The following STXBP5L variants were observed in gnomAD, a reference collection of about 807,000 sequenced individuals.
STXBP5L encodes the protein syntaxin-binding protein 5-like.
Under a neutral mutation model 144.5 loss-of-function variants are expected in STXBP5L, and 65 were observed. The observed-to-expected ratio is 0.45, with a 90% CI of 0.37 to 0.55. The LOEUF (loss-of-function observed/expected upper bound fraction) is 0.55, where lower values mean the gene tolerates loss of function less well. STXBP5L is among the 20% of genes least tolerant of loss of function. The pLI is 0.00. For synonymous variants in STXBP5L, 505 were observed against 469.6 expected, an observed-to-expected ratio of 1.08 and a Z score of -0.97; for missense variants, 1,298 against 1,405.5, an observed-to-expected ratio of 0.92 and a Z score of 1.22.
At chr3:120,979,659 A>G (rs112051486) in intron 3 of STXBP5L, among the ~76,000 whole-genome samples, 1,663 of 152,298 alleles carry the variant, frequency 0.011, 16 homozygotes, top group Middle Eastern at 0.061. Flanking sequence ...TGGGAGCTGT[A>G]GACTGGAGCT....
chr3:120,975,764 AT>A (rs1481079118), intron 3 of STXBP5L, among the ~76,000 whole-genome samples: 3 of 152,084 alleles, frequency 2.0e-5, no homozygotes, highest in Admixed American at 6.6e-5. Flanking sequence ...GAGTTGTTGA[AT>A]TTTGTCAAAG....
At chr3:121,272,960 A>C (rs1034673476) in intron 18 of STXBP5L, among the ~76,000 whole-genome samples, 1 of 152,026 alleles carries the variant, frequency 6.6e-6, no homozygotes, top group Non-Finnish European at 1.5e-5. Flanking sequence ...GAATTTATTA[A>C]CAAAACAACA....
At chr3:121,074,199 C>T (rs1382315152) in intron 5 of STXBP5L, among the ~76,000 whole-genome samples, 1 of 152,130 alleles carries the variant, frequency 6.6e-6, no homozygotes, top group East Asian at 1.9e-4. Flanking sequence ...GACAAAGATG[C>T]CCTGGCTTTC....
intron 3 of STXBP5L, among the ~76,000 whole-genome samples, chr3:121,020,850 G>GAA (rs60522434): frequency 0.097 from 13,837 of 143,102 alleles, 681 homozygotes; most frequent in Admixed American, 0.13. Flanking sequence ...ACAATACAAT[G>GAA]AAAAAAAAAA....
chr3:121,159,550 A>C (rs2046239540), intron 9 of STXBP5L, among the ~76,000 whole-genome samples: 1 of 151,960 alleles, frequency 6.6e-6, no homozygotes. Flanking sequence ...TACAAAATCT[A>C]CTGAGATTTG....
chr3:121,187,221 A>T (rs962363644), intron 9 of STXBP5L, among the ~76,000 whole-genome samples: 2 of 152,186 alleles, frequency 1.3e-5, no homozygotes, highest in Non-Finnish European at 2.9e-5. Flanking sequence ...CTATGCAGCC[A>T]TAAAAAATGA....
chr3:121,373,213 T>C (rs1176969611), intron 20 of STXBP5L, among the ~76,000 whole-genome samples: 1 of 152,232 alleles, frequency 6.6e-6, no homozygotes, highest in Non-Finnish European at 1.5e-5. Flanking sequence ...AGGCACTCAG[T>C]TGGATTGGCT....
intron 22 of STXBP5L, among the ~76,000 whole-genome samples, chr3:121,390,639 A>G (rs1395573807): frequency 2.0e-5 from 3 of 152,130 alleles, no homozygotes; most frequent in Non-Finnish European, 4.4e-5. Flanking sequence ...TTTCTCCTTC[A>G]CTAATGAAGC....
At chr3:121,042,558 T>A (rs1947232939) in intron 4 of STXBP5L, among the ~76,000 whole-genome samples, 1 of 152,132 alleles carries the variant, frequency 6.6e-6, no homozygotes, top group South Asian at 2.1e-4. Context: ...AAAAAATGTT[T>A]GGTTATTTTC....
Position 121,056,206 on chromosome 3 carries a change from T to C in STXBP5L, c.470+10671T>C, listed in dbSNP as rs1460270957. Among the ~76,000 whole-genome samples, 3 of 152,174 alleles carry C rather than the reference T, an allele frequency of 2.0e-5. No homozygotes were observed. In the East Asian group the frequency reaches 5.8e-4, roughly 29 times the overall value. On this transcript the variant is annotated intron_variant, in intron 5 of 26. Coordinates refer to ENST00000471454, the MANE Select transcript of STXBP5L (RefSeq NM_001308330.2). ...AGAAAAAATGTCTTGATTTTTGTAA[T>C]GCATGATCTGAGTAATGAATAAAAT...
At chr3:121,121,373 G>A (rs181356544) in intron 6 of STXBP5L, among the ~76,000 whole-genome samples, 228 of 151,232 alleles carry the variant, frequency 1.5e-3, no homozygotes, top group African/African-American at 4.9e-3. Context: ...GACAACAAAC[G>A]TTTCAAATAA....
intron 5 of STXBP5L, among the ~76,000 whole-genome samples, chr3:121,057,059 A>G (rs1299725925): frequency 2.0e-5 from 3 of 151,538 alleles, no homozygotes; most frequent in African/African-American, 7.2e-5. Flanking sequence ...TATATTATAA[A>G]GAAGGAAGAA....
At chr3:121,138,459 G>A (rs1182106864) in intron 7 of STXBP5L, among the ~76,000 whole-genome samples, 2 of 151,956 alleles carry the variant, frequency 1.3e-5, no homozygotes, top group African/African-American at 4.8e-5. Flanking sequence ...AAGCAGTCTT[G>A]ACCAAAAAGA....
rs147231304 is a variant in STXBP5L, at chr3:121,335,080, C to T, written c.2176+16540C>T. 9.2e-5 allele frequency among the ~76,000 whole-genome samples: 14 copies of T among 152,258 alleles called. 1 individual carries two copies. In the East Asian group the frequency reaches 1.2e-3, roughly 13 times the overall value. Reference sequence around the variant, plus strand: ...CCCTATAGTTATAGACAAAAAGCTCCTGCAGCTGATAAACACCTTCAGCAA... The same window carrying T: ...CCCTATAGTTATAGACAAAAAGCTCTTGCAGCTGATAAACACCTTCAGCAA... On this transcript the variant is annotated intron_variant, in intron 20 of 26. Transcript: ENST00000471454.
chr3:121,313,474 T>C (rs1440706920), intron 19 of STXBP5L, among the ~76,000 whole-genome samples: 2 of 80,152 alleles, frequency 2.5e-5, no homozygotes, highest in African/African-American at 1.1e-4. Flanking sequence ...ACGGGGCGAC[T>C]GGCCGGGCAG....
At chr3:121,035,616 G>A (rs546122733) in intron 3 of STXBP5L, among the ~76,000 whole-genome samples, 21 of 152,238 alleles carry the variant, frequency 1.4e-4, no homozygotes, top group African/African-American at 4.3e-4. Flanking sequence ...TAGCTTTGTA[G>A]TGTAATGTGA....
intron 22 of STXBP5L, among the ~76,000 whole-genome samples, chr3:121,397,344 T>C (rs1290934838): frequency 6.6e-6 from 1 of 152,214 alleles, no homozygotes; most frequent in Admixed American, 6.5e-5. Flanking sequence ...ACATTCTCCA[T>C]TTACCTGATT....
chr3:121,288,966 C>CG (rs1164432290), intron 19 of STXBP5L, among the ~76,000 whole-genome samples: 1 of 152,120 alleles, frequency 6.6e-6, no homozygotes, highest in Non-Finnish European at 1.5e-5. Context: ...CTGGGGCCTA[C>CG]TTGAGGGTGG....
intron 19 of STXBP5L, among the ~76,000 whole-genome samples, chr3:121,311,423 T>C (rs1265119942): frequency 6.6e-6 from 1 of 152,244 alleles, no homozygotes; most frequent in African/African-American, 2.4e-5. Context: ...TGTTTCACAA[T>C]GGAGGAATGT....
Sources: gnomAD v4.1 joint callset for allele counts (sites outside exome capture counted in the v4.1 genomes callset) on GRCh38, gnomAD v4.1.1 for gene constraint, MANE v1.5 for transcripts, NCBI Gene and HGNC (gene_info 2026-07-23, HGNC 2026-07-21) for gene names.